The following CDK14 variants were observed in gnomAD, a reference collection of about 807,000 sequenced individuals.
CDK14 encodes cyclin-dependent kinase 14.
In CDK14, 34 loss-of-function variants were observed where a neutral mutation model predicts 60.7. The observed-to-expected ratio is 0.56, with a 90% CI of 0.43 to 0.75. The LOEUF (loss-of-function observed/expected upper bound fraction) is 0.75, where lower values mean the gene tolerates loss of function less well. Ranked by LOEUF, CDK14 falls within the 30% of genes least tolerant of loss-of-function variation. CDK14 has a pLI of 0.00. For missense variants in CDK14, 482 were observed against 564.1 expected, an observed-to-expected ratio of 0.85 and a Z score of 1.47; for synonymous variants, 197 against 203.7, an observed-to-expected ratio of 0.97 and a Z score of 0.28.
intron 14 of CDK14, among the ~76,000 whole-genome samples, chr7:91,182,090 A>G (rs1206998746): frequency 6.6e-6 from 1 of 152,118 alleles, no homozygotes; most frequent in South Asian, 2.1e-4. Flanking sequence ...TCTTAAAATG[A>G]TACCTCTTTC....
At chr7:90,604,489 C>T (rs1295490813) in intron 2 of CDK14, among the ~76,000 whole-genome samples, 1 of 152,186 alleles carries the variant, frequency 6.6e-6, no homozygotes, top group Admixed American at 6.5e-5. Context: ...AAGACACATG[C>T]AGGCCTTTGT....
rs111297493 is a variant in CDK14, at chr7:90,718,135, T to G, written c.124-8432T>G. ...AGCATTTAGTACACAGAACCATGGTTGCCAGATGCTCTACAACGTGTACTG... is the reference window on the plus strand; with the variant it reads ...AGCATTTAGTACACAGAACCATGGTGGCCAGATGCTCTACAACGTGTACTG... On this transcript the variant is annotated intron_variant, in intron 2 of 14. Transcript: ENST00000380050. Among the ~76,000 whole-genome samples, 1,410 of 152,182 alleles carry G rather than the reference T, an allele frequency of 9.3e-3. 29 individuals are homozygous for G. Among genetic ancestry groups the G allele is most frequent in the African/African-American group, 0.032 (1,349 of 41,530 alleles).
intron 8 of CDK14, among the ~76,000 whole-genome samples, chr7:90,940,906 C>T (rs1793912335): frequency 6.6e-6 from 1 of 152,166 alleles, no homozygotes; most frequent in Non-Finnish European, 1.5e-5. Flanking sequence ...CCACTGGTCA[C>T]TCTGAAACTT....
intron 14 of CDK14, among the ~76,000 whole-genome samples, chr7:91,144,041 G>A (rs948554259): frequency 2.0e-5 from 3 of 152,092 alleles, no homozygotes; most frequent in Non-Finnish European, 4.4e-5. Flanking sequence ...CTAAGCCTGT[G>A]CAGCTATTTA....
chr7:90,946,607 A>C lies in CDK14; in HGVS notation c.827-9090A>C, dbSNP rs546451483. On this transcript the variant is annotated intron_variant, in intron 8 of 14. Transcript: ENST00000380050. ...TTCATAAGGGCATTTATTATTGAAGAAACATAAAAACCTCTTAGTTCATGT... is the reference window on the plus strand; with the variant it reads ...TTCATAAGGGCATTTATTATTGAAGCAACATAAAAACCTCTTAGTTCATGT... Among the ~76,000 whole-genome samples, 24 of 152,318 alleles carry C rather than the reference A, an allele frequency of 1.6e-4. 1 individual carries two copies. The highest frequency in any genetic ancestry group is 1.4e-3 in the Admixed American group (22 of 15,302).
chr7:91,050,897 A>G (rs970725862), intron 11 of CDK14, among the ~76,000 whole-genome samples: 5 of 152,150 alleles, frequency 3.3e-5, no homozygotes, highest in African/African-American at 1.2e-4. Context: ...GTGAAAGTAG[A>G]TCCCATGTCT....
chr7:90,598,766 G>A (rs1399556863), intron 1 of CDK14, among the ~76,000 whole-genome samples: 13 of 129,082 alleles, frequency 1.0e-4, no homozygotes, highest in Non-Finnish European at 1.4e-4. Flanking sequence ...GTGCAGTGGC[G>A]GGATCTCGGC....
chr7:90,764,729 AAC>A (rs1196173026), intron 4 of CDK14, among the ~76,000 whole-genome samples: 1 of 152,202 alleles, frequency 6.6e-6, no homozygotes, highest in Non-Finnish European at 1.5e-5. Context: ...GTTCTGAGGA[AAC>A]AGACATAACA....
intron 3 of CDK14, among the ~76,000 whole-genome samples, chr7:90,734,428 C>A (rs972514630): frequency 6.6e-6 from 1 of 152,140 alleles, no homozygotes; most frequent in Non-Finnish European, 1.5e-5. Context: ...CTATTCTCCC[C>A]GTCACTTTCA....
At chr7:91,058,417 G>A (rs1037700103) in intron 11 of CDK14, among the ~76,000 whole-genome samples, 2 of 152,046 alleles carry the variant, frequency 1.3e-5, no homozygotes, top group Non-Finnish European at 2.9e-5. Context: ...CTGCCTGATT[G>A]CCCTGGCCAG....
chr7:90,853,225 A>G (rs928017900), intron 5 of CDK14, among the ~76,000 whole-genome samples: 1 of 152,172 alleles, frequency 6.6e-6, no homozygotes, highest in Non-Finnish European at 1.5e-5. Flanking sequence ...GTTCATTAAT[A>G]ATGAAAAACT....
At chr7:90,644,709 C>T (rs1649231100) in intron 2 of CDK14, among the ~76,000 whole-genome samples, 1 of 152,140 alleles carries the variant, frequency 6.6e-6, no homozygotes, top group Non-Finnish European at 1.5e-5. Context: ...CTGGTGATAC[C>T]ATGGGTAACA....
At chr7:91,019,108 A>G (rs1796375118) in intron 10 of CDK14, among the ~76,000 whole-genome samples, 1 of 152,174 alleles carries the variant, frequency 6.6e-6, no homozygotes. Context: ...ATACATAGAA[A>G]GAGAGTTTTT....
chr7:91,174,095 T>C (rs199913343), intron 14 of CDK14, among the ~76,000 whole-genome samples: 9,884 of 151,812 alleles, frequency 0.065, 862 homozygotes, highest in East Asian at 0.48. Context: ...TCTCCCAGCA[T>C]GCAGCTGGAG....
intron 4 of CDK14, among the ~76,000 whole-genome samples, chr7:90,770,807 G>A (rs1003923065): frequency 3.9e-5 from 6 of 152,110 alleles, no homozygotes; most frequent in Non-Finnish European, 7.3e-5. Context: ...TTTAACTCAA[G>A]CCCCATCTAT....
intron 9 of CDK14, among the ~76,000 whole-genome samples, chr7:90,959,862 GT>G (rs1304090392): frequency 2.0e-5 from 3 of 152,128 alleles, no homozygotes; most frequent in African/African-American, 7.2e-5. Flanking sequence ...AAAATAGATA[GT>G]TTTTGATTGT....
chr7:91,008,048 T>C (rs1796028189), intron 10 of CDK14, among the ~76,000 whole-genome samples: 1 of 149,214 alleles, frequency 6.7e-6, no homozygotes, highest in African/African-American at 2.5e-5. Flanking sequence ...TATTCCAGTA[T>C]TGGATTAGGA....
At chr7:91,001,172 A>G (rs1488792430) in intron 10 of CDK14, among the ~76,000 whole-genome samples, 1 of 152,134 alleles carries the variant, frequency 6.6e-6, no homozygotes. Flanking sequence ...TGTTATCCCA[A>G]TGAAATAGGC....
At chr7:90,903,501 G>A (rs1792586869) in intron 7 of CDK14, among the ~76,000 whole-genome samples, 1 of 152,090 alleles carries the variant, frequency 6.6e-6, no homozygotes, top group African/African-American at 2.4e-5. Flanking sequence ...TCATATATGG[G>A]AGCTAAAAAA....
Sources: gnomAD v4.1 joint callset for allele counts (sites outside exome capture counted in the v4.1 genomes callset) on GRCh38, gnomAD v4.1.1 for gene constraint, MANE v1.5 for transcripts, NCBI Gene and HGNC (gene_info 2026-07-23, HGNC 2026-07-21) for gene names.